ULK4: variants seen among roughly 807,000 people sequenced by gnomAD.
The protein encoded by ULK4 is inactive serine/threonine-protein kinase ULK4.
A neutral mutation model predicts 160.6 loss-of-function variants in ULK4; 133 were observed. That is an observed-to-expected ratio of 0.83 (90% confidence interval 0.72 to 0.96). ULK4 has a LOEUF of 0.96. Ranked by LOEUF, ULK4 falls within the 40% of genes least tolerant of loss-of-function variation. The pLI is 0.00. For synonymous variants in ULK4, 534 were observed against 539.8 expected (o/e 0.99, Z 0.15); for missense variants, 1,580 against 1,499.5 (o/e 1.05, Z -0.89).
intron 22 of ULK4, among the ~76,000 whole-genome samples, chr3:41,724,715 T>G (rs2037589853): frequency 1.3e-5 from 2 of 152,062 alleles, no homozygotes; most frequent in African/African-American, 4.8e-5. Flanking sequence ...AGAGTGAGAC[T>G]CTGTCTCAAA....
chr3:41,706,887 G>A (rs796514476), intron 25 of ULK4, among the ~76,000 whole-genome samples: 5,435 of 127,428 alleles, frequency 0.043, 334 homozygotes, highest in African/African-American at 0.17. Flanking sequence ...GTGTGTGTGT[G>A]TGTATATATA....
intron 18 of ULK4, among the ~76,000 whole-genome samples, chr3:41,831,531 A>ATATATATATATATATATTTTTTT: frequency 3.6e-5 from 5 of 138,120 alleles, no homozygotes; most frequent in African/African-American, 1.1e-4. Flanking sequence ...ATATATATAT[A>ATATATATATATATATATTTTTTT]TTTTTTTTTC....
intron 32 of ULK4, among the ~76,000 whole-genome samples, chr3:41,503,970 T>C (rs995383338): frequency 1.3e-4 from 20 of 152,282 alleles, no homozygotes; most frequent in South Asian, 6.2e-4. Flanking sequence ...CCATCTTGGT[T>C]GAATCAAAAT....
chr3:41,273,601 C>T (rs2079177043), intron 35 of ULK4, among the ~76,000 whole-genome samples: 1 of 152,122 alleles, frequency 6.6e-6, no homozygotes, highest in Non-Finnish European at 1.5e-5. Flanking sequence ...TTGGGCCCCA[C>T]CTCAGTTCCT....
intron 30 of ULK4, among the ~76,000 whole-genome samples, chr3:41,650,560 C>T (rs538085102): frequency 9.2e-5 from 14 of 152,360 alleles, no homozygotes; most frequent in Admixed American, 4.6e-4. Context: ...CTGCCGCAGA[C>T]GGCACACCTG....
intron 32 of ULK4, among the ~76,000 whole-genome samples, chr3:41,471,207 T>A (rs987313821): frequency 2.6e-5 from 4 of 152,028 alleles, no homozygotes; most frequent in African/African-American, 9.7e-5. Flanking sequence ...CTTCTATTTA[T>A]ATAAAACAAA....
intron 32 of ULK4, among the ~76,000 whole-genome samples, chr3:41,562,995 C>G (rs1241628815): frequency 6.6e-6 from 1 of 152,140 alleles, no homozygotes; most frequent in Non-Finnish European, 1.5e-5. Context: ...GCAGTGGCTG[C>G]TACAGGTTGT....
intron 32 of ULK4, among the ~76,000 whole-genome samples, chr3:41,490,261 A>G: frequency 6.6e-6 from 1 of 152,160 alleles, no homozygotes; most frequent in East Asian, 1.9e-4. Flanking sequence ...CTCCACTGAT[A>G]AGGGAGCCTG....
At chr3:41,264,945 A>C (rs2079004093) in intron 35 of ULK4, among the ~76,000 whole-genome samples, 1 of 152,202 alleles carries the variant, frequency 6.6e-6, no homozygotes, top group South Asian at 2.1e-4. Flanking sequence ...CCAGTGTGGA[A>C]GGGAGACTTG....
chr3:41,731,057 C>G (rs1469668004), intron 22 of ULK4, among the ~76,000 whole-genome samples: 1 of 151,952 alleles, frequency 6.6e-6, no homozygotes, highest in Non-Finnish European at 1.5e-5. Context: ...CCATATATGA[C>G]AAACCCATGG....
chr3:41,448,734 T>C (rs948184943), intron 34 of ULK4, among the ~76,000 whole-genome samples: 3 of 152,094 alleles, frequency 2.0e-5, no homozygotes, highest in Non-Finnish European at 2.9e-5. Flanking sequence ...TGTGATGTGT[T>C]TGGGTGGCAG....
intron 34 of ULK4, among the ~76,000 whole-genome samples, chr3:41,443,651 A>C (rs2083223344): frequency 6.6e-6 from 1 of 152,108 alleles, no homozygotes; most frequent in Admixed American, 6.6e-5. Flanking sequence ...ATTAAACTGA[A>C]ATTTGTGCAT....
intron 34 of ULK4, among the ~76,000 whole-genome samples, chr3:41,406,999 G>A (rs975017125): frequency 9.9e-5 from 15 of 152,092 alleles, no homozygotes; most frequent in African/African-American, 1.4e-4. Flanking sequence ...GGATCCCAGT[G>A]GATTCCTTAA....
chr3:41,646,191 C>T (rs1246424289), intron 30 of ULK4, among the ~76,000 whole-genome samples: 1 of 152,184 alleles, frequency 6.6e-6, no homozygotes, highest in Non-Finnish European at 1.5e-5. Flanking sequence ...AGTCCATTTA[C>T]ATTTAAAGTT....
intron 35 of ULK4, among the ~76,000 whole-genome samples, chr3:41,295,283 C>T (rs145063611): frequency 0.016 from 1,339 of 83,436 alleles, 251 homozygotes; most frequent in African/African-American, 0.049. Context: ...TTTACTCTCA[C>T]AAAAATCAAC....
At position 41,770,638 on chromosome 3, in the gene ULK4, G is replaced by A. The variant is rs372658176; in HGVS notation, c.2194-16150C>T. Among the ~76,000 whole-genome samples, 61 of 151,456 alleles carry A rather than the reference G, an allele frequency of 4.0e-4. No homozygotes were observed. The East Asian group carries it at 8.6e-3, about 21-fold the overall frequency. On this transcript the variant is annotated intron_variant, in intron 21 of 36. Transcript: ENST00000301831. ...TGATCCTCCTGCCTCACCCTCCCAA[G>A]TAGCTGGGACCACAAGCACGCACTA...
At chr3:41,257,395 G>A (rs1336644448) in intron 35 of ULK4, among the ~76,000 whole-genome samples, 1 of 152,094 alleles carries the variant, frequency 6.6e-6, no homozygotes, top group East Asian at 1.9e-4. Context: ...ACTTAGGGAG[G>A]CTAAGGCAGG....
chr3:41,462,134 A>G (rs569478800), intron 33 of ULK4, among the ~76,000 whole-genome samples: 2 of 152,306 alleles, frequency 1.3e-5, no homozygotes, highest in East Asian at 1.9e-4. Flanking sequence ...ATTAAATCAT[A>G]TTAGACAAGC....
intron 16 of ULK4, 125 bp downstream of exon 16, chr3:41,895,393 A>C (rs1431258043): frequency 2.2e-5 from 10 of 462,716 alleles, no homozygotes; most frequent in African/African-American, 2.0e-4. Flanking sequence ...GCCTATGAGT[A>C]GAGTCATCAT....
Sources: gnomAD v4.1 joint callset for allele counts (sites outside exome capture counted in the v4.1 genomes callset) on GRCh38, gnomAD v4.1.1 for gene constraint, MANE v1.5 for transcripts, NCBI Gene and HGNC (gene_info 2026-07-23, HGNC 2026-07-21) for gene names.